The following PNPLA7 variants were observed in gnomAD, a reference collection of about 807,000 sequenced individuals.
The protein encoded by PNPLA7 is patatin like domain 7, lysophospholipase, also known as patatin-like phospholipase domain-containing protein 7.
In PNPLA7, 153 loss-of-function variants were observed where a neutral mutation model predicts 161.7. The observed-to-expected ratio is 0.95, with a 90% CI of 0.83 to 1.08. The LOEUF (loss-of-function observed/expected upper bound fraction) is 1.08. Among genes scored for constraint, PNPLA7 ranks in the 50% least tolerant of loss-of-function variants. PNPLA7 has a pLI of 0.00. For synonymous variants in PNPLA7, 809 were observed against 782.1 expected (o/e 1.03, Z -0.57); for missense variants, 1,739 against 1,856.6 (o/e 0.94, Z 1.16).
In PNPLA7 at chr9:137,464,214, C is replaced by A; in HGVS notation, c.3157-19G>T. 6.2e-7 allele frequency: 1 copy of A among 1,613,428 alleles called. No homozygotes were observed. Among genetic ancestry groups the A allele is most frequent in the South Asian group, 1.1e-5 (1 of 91,032 alleles). ...ACAGGTCCTGCGGGCGGACGGGGCT[C>A]AGATGGGCCCTCTCCCATCACGCTC... On this transcript the variant is annotated intron_variant, in intron 27 of 34. Transcript: ENST00000406427.
At chr9:137,482,824 A>C (rs1218328292) in intron 21 of PNPLA7, among the ~76,000 whole-genome samples, 4 of 152,240 alleles carry the variant, frequency 2.6e-5, no homozygotes, top group African/African-American at 9.6e-5. Context: ...TCTCTTTACT[A>C]TTCCACAATT....
rs1836312827 is a variant in PNPLA7 at position 137,543,311 on chromosome 9, C to T, written c.506+121G>A. Reference sequence around the variant, plus strand: ...CCACGGGGCACAGACACCAGCAGCCCCACGATGCGCTTTGCCAACCATTCC... The same window carrying T: ...CCACGGGGCACAGACACCAGCAGCCTCACGATGCGCTTTGCCAACCATTCC... On this transcript the variant is annotated intron_variant, in intron 6 of 34. Transcript: ENST00000406427. The surrounding 1 kb of genome is among the most constrained non-coding windows in gnomAD (Gnocchi z 6.9). 6 of 1,288,822 alleles carry T rather than the reference C, an allele frequency of 4.7e-6. No individual in the cohort carries two copies. The highest frequency in any genetic ancestry group is 6.6e-6 in the Non-Finnish European group (6 of 912,030). The allele number at this position is 1,288,822 out of a possible 1,614,324, so 79.8% of individuals were successfully genotyped here. A position where few individuals can be genotyped will look rare whatever the true frequency, so the allele number is the denominator to read the frequency against.
rs1834900349 is a variant in PNPLA7, at chr9:137,519,935, G to A, written c.1066C>T (p.Gln356Ter). The change falls in exon 11 of 35, where the codon CAG becomes TAG. Residue 356 changes from glutamine to a stop codon, truncating the protein, a stop_gained. Coordinates refer to ENST00000406427, the MANE Select transcript of PNPLA7 (RefSeq NM_001098537.3). LOFTEE classifies it high-confidence loss of function. ...EERLKKPPRLQESCDSDHGGG... is the reference protein window; with the variant it reads ...EERLKKPPRL ...ACAGTACCTGAGTCACAGGACTCCT[G>A]GAGCCGCGGTGGCTTTTTAAGCCGC... 2 of 1,612,578 alleles carry A rather than the reference G, an allele frequency of 1.2e-6. No homozygotes were observed. The highest frequency in any genetic ancestry group is 2.2e-5 in the East Asian group (1 of 44,888).
At chr9:137,465,482 G>A (rs1030023448) in intron 26 of PNPLA7, among the ~76,000 whole-genome samples, 45 of 152,350 alleles carry the variant, frequency 3.0e-4, no homozygotes, top group African/African-American at 8.2e-4. Context: ...GGACAGGACC[G>A]GCTCGGAGCC....
intron 4 of PNPLA7, among the ~76,000 whole-genome samples, chr9:137,545,714 G>A (rs1198578297): frequency 1.3e-5 from 2 of 152,110 alleles, no homozygotes; most frequent in Non-Finnish European, 2.9e-5. Flanking sequence ...GAAAAACCAG[G>A]CCATACAGAG....
In PNPLA7 at chr9:137,460,163, C is replaced by G. The variant is rs1322982540; in HGVS notation, c.*230G>C. On this transcript the variant is annotated 3_prime_UTR_variant, in exon 35 of 35. Transcript: ENST00000406427. The stretch of plus-strand genomic sequence containing the variant: ...AGGGGGTTCACAGAGCTTCAGGGGC[C>G]TCACAGAGCTTCAGGGGCCTCACAG... The G allele has an allele frequency of 4.3e-6, 2 of 467,224 alleles. No homozygotes were observed. The highest frequency in any genetic ancestry group is 7.8e-6 in the Non-Finnish European group (2 of 256,394). The allele number at this position is 467,224 out of a possible 1,614,324, so 28.9% of individuals were successfully genotyped here.
chr9:137,478,000 C>T, intron 25 of PNPLA7, 34 bp downstream of exon 25: 1 of 1,355,990 alleles, frequency 7.4e-7, no homozygotes, highest in Non-Finnish European at 9.6e-7. Flanking sequence ...CCACACACAC[C>T]AGTGAGGAGT....
rs756422524 is a variant in PNPLA7, at chr9:137,480,466, C to T, written c.2426G>A (p.Arg809Gln). The change falls in exon 23 of 35, where the codon CGG becomes CAG. Residue 809 changes from arginine to glutamine, a missense_variant. Around this residue, in one of 6 missense-constraint regions of PNPLA7, gnomAD observed 192 missense variants for 249.5 expected, o/e 0.77. Transcript: ENST00000406427. ...CTGCTGCCCCAGCCAGCTGGACAGC[C>T]GGTACTCGTGAACACTGCAGCACGC... ...SAALDSVHEY[R>Q]LSSWLGQQED... is the part of the protein sequence containing the mutation. 5.0e-6 allele frequency: 8 copies of T among 1,611,404 alleles called. No homozygotes were observed. Among genetic ancestry groups the T allele is most frequent in the African/African-American group, 2.7e-5 (2 of 74,860 alleles).
chr9:137,503,355 T>G (rs1310376928), intron 14 of PNPLA7, among the ~76,000 whole-genome samples: 1 of 150,544 alleles, frequency 6.6e-6, no homozygotes, highest in Admixed American at 6.7e-5. Context: ...CACTCCAGGC[T>G]GGATGACAAA....
At chr9:137,497,873 CG>C (rs1306603863) in intron 17 of PNPLA7, among the ~76,000 whole-genome samples, 1 of 152,248 alleles carries the variant, frequency 6.6e-6, no homozygotes, top group Non-Finnish European at 1.5e-5. Flanking sequence ...TATAATGACA[CG>C]GAGAGATGCT....
At position 137,479,219 on chromosome 9, in the gene PNPLA7, C is replaced by T. The variant is rs1239039123; in HGVS notation, c.2600G>A (p.Ser867Asn). 2.6e-6 allele frequency: 4 copies of T among 1,546,930 alleles called. No homozygotes were observed. The highest frequency in any genetic ancestry group is 3.5e-6 in the Non-Finnish European group (4 of 1,145,250). Residue 867 changes from serine to asparagine, a missense_variant, in exon 24 of 35, where the codon AGC becomes AAC. Around this residue, in one of 6 missense-constraint regions of PNPLA7, gnomAD observed 703 missense variants for 694.6 expected, o/e 1.01. Transcript: ENST00000406427. ...TVGELERMLE[S>N]TAVRAQKQLI... ...CTGCTTCTGGGCACGCACAGCTGTG[C>T]TCTCCAGCATCCGCTCCAGCTGAAA...
chr9:137,546,776 C>A, intron 4 of PNPLA7, 54 bp downstream of exon 4: 1 of 1,566,896 alleles, frequency 6.4e-7, no homozygotes, highest in East Asian at 2.2e-5. Context: ...GTCCCTCCCA[C>A]AGGGGCCTGC....
chr9:137,542,765 C>T lies in PNPLA7; in HGVS notation c.543G>A (p.Glu181=). ...LGHFEKPLFL[E]LCKHIVFVQL... Reference sequence around the variant, plus strand: ...GCACAAAGACGATGTGTTTGCAAAGCTCCAGGAACAGCGGCTTCTCAAAGT... The same window carrying T: ...GCACAAAGACGATGTGTTTGCAAAGTTCCAGGAACAGCGGCTTCTCAAAGT... The change falls in exon 7 of 35, where the codon GAG becomes GAA. Residue 181 remains glutamate (E), a synonymous_variant. Coordinates refer to ENST00000406427, the MANE Select transcript of PNPLA7 (RefSeq NM_001098537.3). The T allele has an allele frequency of 6.2e-7, 1 of 1,613,842 alleles. No homozygotes were observed. The highest frequency in any genetic ancestry group is 1.7e-5 in the Admixed American group (1 of 60,022).
intron 20 of PNPLA7, among the ~76,000 whole-genome samples, chr9:137,491,058 A>G (rs772470344): frequency 6.6e-6 from 1 of 152,198 alleles, no homozygotes; most frequent in Non-Finnish European, 1.5e-5. Context: ...ACCACAGTTG[A>G]TAATTATAAT....
Position 137,544,846 on chromosome 9 carries a change from C to T in PNPLA7, c.274-1031G>A, listed in dbSNP as rs537559187. Among the ~76,000 whole-genome samples the T allele has an allele frequency of 1.2e-3, 183 of 152,238 alleles. 1 individual carries two copies. Among genetic ancestry groups the T allele is most frequent in the Non-Finnish European group, 2.0e-3 (133 of 68,016 alleles). ...TGTATTTTTAGTAGAGACAGGGTTT[C>T]GCCATGTTGGCCAGGCTGGTCTCGA... On this transcript the variant is annotated intron_variant, in intron 4 of 34. Coordinates refer to ENST00000406427, the MANE Select transcript of PNPLA7 (RefSeq NM_001098537.3).
At chr9:137,498,487 A>C (rs1833191188) in intron 16 of PNPLA7, among the ~76,000 whole-genome samples, 1 of 152,228 alleles carries the variant, frequency 6.6e-6, no homozygotes, top group Admixed American at 6.5e-5. Flanking sequence ...CCCTCCTGGC[A>C]GGCCCGCGAG....
At chr9:137,478,660 C>T (rs989965795) in intron 24 of PNPLA7, 2 of 186,986 alleles carry the variant, frequency 1.1e-5, no homozygotes, top group African/African-American at 2.3e-5. Flanking sequence ...CCTGAGGACA[C>T]CCTCATCAGC....
intron 12 of PNPLA7, among the ~76,000 whole-genome samples, chr9:137,508,114 G>A (rs1393522667): frequency 6.6e-6 from 1 of 151,636 alleles, no homozygotes; most frequent in African/African-American, 2.4e-5. Context: ...GATCACTTGA[G>A]CCCTCATGGG....
chr9:137,548,745 C>T (rs1836681999), intron 1 of PNPLA7, among the ~76,000 whole-genome samples: 2 of 151,964 alleles, frequency 1.3e-5, no homozygotes. Context: ...GAGACTCCAT[C>T]TCAAAAAAAA....
Sources: gnomAD v4.1 joint callset for allele counts (sites outside exome capture counted in the v4.1 genomes callset) on GRCh38, gnomAD v4.1.1 for gene constraint, gnomAD v4.1.1 regional missense constraint, Gnocchi (gnomAD v3.1) non-coding constraint, MANE v1.5 for transcripts, NCBI Gene and HGNC (gene_info 2026-07-23, HGNC 2026-07-21) for gene names.